The following RABGAP1 variants were observed in gnomAD, a reference collection of about 807,000 sequenced individuals.
RABGAP1 encodes rab GTPase-activating protein 1.
A neutral mutation model predicts 137.6 loss-of-function variants in RABGAP1; 23 were observed. The ratio of observed to expected loss-of-function variants is 0.17; its 90% CI spans 0.12 to 0.24. The LOEUF is 0.24. Among genes scored for constraint, RABGAP1 ranks in the 10% least tolerant of loss-of-function variants. The pLI is 1.00. For synonymous variants in RABGAP1, 451 were observed against 450.7 expected (o/e 1.00, Z -0.01); for missense variants, 906 against 1,275.8 (o/e 0.71, Z 4.42).
chr9:123,077,174 TTTTC>T (rs1434670215), intron 19 of RABGAP1, among the ~76,000 whole-genome samples: 1 of 151,130 alleles, frequency 6.6e-6, no homozygotes, highest in Non-Finnish European at 1.5e-5. Flanking sequence ...GTTTTTTTTT[TTTTC>T]TTTTTTTTGA....
In RABGAP1 at chr9:123,103,123, T is replaced by C; in HGVS notation, c.3120T>C (p.Asn1040=). The change falls in exon 26 of 26, where the codon AAT becomes AAC. Residue 1040 remains asparagine (N), a synonymous_variant. Transcript: ENST00000373647. ...DLEHHLGLAL[N]EVQAAKKTWF... is the part of the protein sequence containing the mutation. ...AACACCATTTAGGGCTTGCCCTCAATGAGGTGCAGGCAGCCAAGAAGACGT... is the reference window on the plus strand; with the variant it reads ...AACACCATTTAGGGCTTGCCCTCAACGAGGTGCAGGCAGCCAAGAAGACGT... 2 of 1,614,110 alleles carry C rather than the reference T, an allele frequency of 1.2e-6. No homozygotes were observed. The highest frequency in any genetic ancestry group is 1.6e-4 in the Middle Eastern group (1 of 6,062).
chr9:122,993,985 A>G (rs1247870602), intron 6 of RABGAP1, among the ~76,000 whole-genome samples: 1 of 152,100 alleles, frequency 6.6e-6, no homozygotes, highest in Non-Finnish European at 1.5e-5. Context: ...TTTTCATTCA[A>G]AGTACCATTC....
In RABGAP1 at chr9:122,948,287, T is replaced by A. The variant is rs541043701; in HGVS notation, c.-50+7194T>A. Among the ~76,000 whole-genome samples, 5 of 152,142 alleles carry A rather than the reference T, an allele frequency of 3.3e-5. No individual in the cohort carries two copies. The South Asian group carries it at 8.3e-4, about 25-fold the overall frequency. On this transcript the variant is annotated intron_variant, in intron 1 of 25. Coordinates refer to ENST00000373647, the MANE Select transcript of RABGAP1 (RefSeq NM_012197.4). ...TAGAAGGGTACAACTGGGAGCAGCA[T>A]AGAGGATGGATTGGAATTGGGAGAG...
intron 10 of RABGAP1, among the ~76,000 whole-genome samples, chr9:123,001,326 C>T (rs185186019): frequency 1.5e-3 from 223 of 152,224 alleles, no homozygotes; most frequent in Admixed American, 2.9e-3. Flanking sequence ...AATAAATATA[C>T]GTTGAATTGA....
In RABGAP1 at chr9:122,948,955, T is replaced by C. The variant is rs368811919; in HGVS notation, c.-50+7862T>C. On this transcript the variant is annotated intron_variant, in intron 1 of 25. Transcript: ENST00000373647. ...AAATGAAATTACTACGAGTAAAACA[T>C]AAGACCCCTGTCCACAAGTAGTTTG... Among the ~76,000 whole-genome samples the C allele has an allele frequency of 1.2e-3, 187 of 152,314 alleles. 5 individuals are homozygous for C. The South Asian group carries it at 0.037, about 30-fold the overall frequency.
intron 13 of RABGAP1, among the ~76,000 whole-genome samples, chr9:123,064,055 C>T (rs889723122): frequency 6.6e-6 from 1 of 152,166 alleles, no homozygotes; most frequent in East Asian, 1.9e-4. Context: ...CTCTCACTCT[C>T]GCTCACTTCG....
intron 13 of RABGAP1, among the ~76,000 whole-genome samples, chr9:123,022,249 T>C (rs2031686716): frequency 6.6e-6 from 1 of 152,206 alleles, no homozygotes; most frequent in Non-Finnish European, 1.5e-5. Flanking sequence ...GGATTCTGTT[T>C]TTCTGGTTCC....
At chr9:123,037,525 GTTGTA>G (rs1588312149) in intron 13 of RABGAP1, among the ~76,000 whole-genome samples, 1 of 152,082 alleles carries the variant, frequency 6.6e-6, no homozygotes, top group Admixed American at 6.6e-5. Context: ...CTGAAAAATG[GTTGTA>G]TTGTATACAT....
chr9:123,090,168 T>C, intron 20 of RABGAP1, 107 bp from the exon 21 acceptor site: 2 of 820,744 alleles, frequency 2.4e-6, no homozygotes, highest in South Asian at 1.9e-5. Flanking sequence ...CCATTTCTCT[T>C]ATTGTTTCCA....
chr9:123,033,302 T>G (rs1413159454), intron 13 of RABGAP1, among the ~76,000 whole-genome samples: 1 of 152,156 alleles, frequency 6.6e-6, no homozygotes, highest in African/African-American at 2.4e-5. Context: ...AAATTACCCC[T>G]CTGGTAGTGT....
Position 123,034,953 on chromosome 9 carries a change from T to C in RABGAP1, c.1794+14494T>C, listed in dbSNP as rs746574775. 5.0e-6 allele frequency: 8 copies of C among 1,613,360 alleles called. No homozygotes were observed. The East Asian group carries it at 1.6e-4, about 31-fold the overall frequency. On this transcript the variant is annotated intron_variant, in intron 13 of 25. Coordinates refer to ENST00000373647, the MANE Select transcript of RABGAP1 (RefSeq NM_012197.4). ...CCTGTATCAGCATTGATAGATACATTGCCATTACTAAACCTTTAACCTATA... is the reference window on the plus strand; with the variant it reads ...CCTGTATCAGCATTGATAGATACATCGCCATTACTAAACCTTTAACCTATA...
chr9:122,987,019 C>A (rs1836407201), intron 4 of RABGAP1, among the ~76,000 whole-genome samples: 1 of 152,034 alleles, frequency 6.6e-6, no homozygotes, highest in Non-Finnish European at 1.5e-5. Flanking sequence ...CACCTATAGT[C>A]CCAGCTACTC....
chr9:122,987,707 G>A (rs1050257838), intron 4 of RABGAP1, among the ~76,000 whole-genome samples: 5 of 152,122 alleles, frequency 3.3e-5, no homozygotes, highest in Non-Finnish European at 7.4e-5. Flanking sequence ...CATGAATGAT[G>A]ATAGCTAGTT....
intron 19 of RABGAP1, among the ~76,000 whole-genome samples, chr9:123,081,280 G>A (rs2034698473): frequency 6.6e-6 from 1 of 152,200 alleles, no homozygotes; most frequent in African/African-American, 2.4e-5. Flanking sequence ...GGGGGAGTCA[G>A]AAGTTACACG....
intron 2 of RABGAP1, among the ~76,000 whole-genome samples, chr9:122,983,018 C>G (rs1369860278): frequency 6.6e-6 from 1 of 151,996 alleles, no homozygotes; most frequent in Non-Finnish European, 1.5e-5. Flanking sequence ...CAGGCACATG[C>G]TACCATGCAC....
intron 24 of RABGAP1, among the ~76,000 whole-genome samples, chr9:123,100,234 G>C (rs1413462502): frequency 6.6e-6 from 1 of 152,104 alleles, no homozygotes; most frequent in African/African-American, 2.4e-5. Flanking sequence ...ACTAAGATAA[G>C]CAATTTACTG....
At chr9:122,966,696 A>G (rs1163832136) in intron 2 of RABGAP1, among the ~76,000 whole-genome samples, 1 of 152,154 alleles carries the variant, frequency 6.6e-6, no homozygotes, top group Non-Finnish European at 1.5e-5. Flanking sequence ...CTCTTGAGAT[A>G]TAAGAAAACC....
chr9:123,046,176 G>A (rs1240140126), intron 13 of RABGAP1, among the ~76,000 whole-genome samples: 8 of 152,046 alleles, frequency 5.3e-5, no homozygotes, highest in African/African-American at 9.7e-5. Flanking sequence ...TACAAATCTC[G>A]GACATTAGGA....
chr9:123,019,848 A>G (rs1007890827), intron 12 of RABGAP1, among the ~76,000 whole-genome samples: 1 of 152,022 alleles, frequency 6.6e-6, no homozygotes, highest in African/African-American at 2.4e-5. Flanking sequence ...CGCCACCATG[A>G]TGGGCTAATT....
Sources: gnomAD v4.1 joint callset for allele counts (sites outside exome capture counted in the v4.1 genomes callset) on GRCh38, gnomAD v4.1.1 for gene constraint, MANE v1.5 for transcripts, NCBI Gene and HGNC (gene_info 2026-07-23, HGNC 2026-07-21) for gene names.